The following PER3 variants were observed in gnomAD, a reference collection of about 807,000 sequenced individuals.
PER3 encodes period circadian protein homolog 3.
A neutral mutation model predicts 127.2 loss-of-function variants in PER3; 107 were observed. The ratio of observed to expected loss-of-function variants is 0.84; its 90% CI spans 0.72 to 0.99. The LOEUF is 0.99. Ranked by LOEUF, PER3 falls within the 50% of genes least tolerant of loss-of-function variation. The probability of loss-of-function intolerance (pLI) is 0.00; values close to 1 mark genes in which losing one functional copy is unlikely to be tolerated. For synonymous variants in PER3, 618 were observed against 585.8 expected, an observed-to-expected ratio of 1.05 and a Z score of -0.79; for missense variants, 1,560 against 1,525.8, an observed-to-expected ratio of 1.02 and a Z score of -0.37.
chr1:7,803,816 T>A lies in PER3; in HGVS notation c.1104T>A (p.Ile368=). The change falls in exon 10 of 22, where the codon ATT becomes ATA. Residue 368 remains isoleucine (I), a synonymous_variant. Transcript: ENST00000377532. Reference sequence around the variant, plus strand: ...TTGTGAATCCCTGGAGCCGGAAGATTTCTTTCATCATTGGTCGGCATAAAG... The same window carrying A: ...TTGTGAATCCCTGGAGCCGGAAGATATCTTTCATCATTGGTCGGCATAAAG... ...SSFVNPWSRK[I]SFIIGRHKVR... 1 of 1,613,994 alleles carries A rather than the reference T, an allele frequency of 6.2e-7. No homozygotes were observed. Among genetic ancestry groups the A allele is most frequent in the Non-Finnish European group, 8.5e-7 (1 of 1,179,926 alleles).
intron 6 of PER3, among the ~76,000 whole-genome samples, chr1:7,795,297 T>C (rs536866989): frequency 6.6e-6 from 1 of 152,346 alleles, no homozygotes; most frequent in Admixed American, 6.5e-5. Flanking sequence ...TTCAAACAGT[T>C]CTTGCCTCAC....
At position 7,811,152 on chromosome 1, in the gene PER3, A is replaced by G. The variant is rs147688232; in HGVS notation, c.1522+564A>G. Among the ~76,000 whole-genome samples, 45 of 152,366 alleles carry G rather than the reference A, an allele frequency of 3.0e-4. No homozygotes were observed. The Middle Eastern group carries it at 0.01, about 35-fold the overall frequency. Reference sequence around the variant, plus strand: ...TATGGCATAGGGGATGTTCAATAATATAGAAATCAAATTAGATTGACATTT... The same window carrying G: ...TATGGCATAGGGGATGTTCAATAATGTAGAAATCAAATTAGATTGACATTT... On this transcript the variant is annotated intron_variant, in intron 13 of 21. Transcript: ENST00000377532.
At chr1:7,809,856 C>A (rs745525679) in intron 11 of PER3, 37 bp from the exon 12 acceptor site, 1 of 1,600,818 alleles carries the variant, frequency 6.2e-7, no homozygotes, top group Non-Finnish European at 8.5e-7. Context: ...ATTTGAACAG[C>A]CAGCAATTCT....
At chr1:7,827,866 AAAGTT>A (rs772130183) in intron 18 of PER3, 51 bp downstream of exon 18, 16 of 1,436,556 alleles carry the variant, frequency 1.1e-5, no homozygotes, top group Middle Eastern at 3.5e-4. Context: ...ATATCTTACT[AAAGTT>A]AAGGTGGTTG....
In PER3 at chr1:7,844,798, C is replaced by T. The variant is rs1344983857; in HGVS notation, c.*2043C>T. The T allele has an allele frequency of 6.6e-6, 1 of 152,664 alleles. No individual in the cohort carries two copies. The highest frequency in any genetic ancestry group is 2.4e-5 in the African/African-American group (1 of 41,470). 9.5% of individuals were successfully genotyped at this position (152,664 alleles called of 1,614,324 possible). On this transcript the variant is annotated 3_prime_UTR_variant, in exon 22 of 22. Coordinates refer to ENST00000377532, the MANE Select transcript of PER3 (RefSeq NM_001377275.1). ...TGAGCAGGGGGTTCAGCAGCTTGAC[C>T]GATGCCCCCCGAGGGGGCTCTCCCC...
chr1:7,839,230 C>G (rs1317898632), intron 21 of PER3, among the ~76,000 whole-genome samples: 1 of 152,144 alleles, frequency 6.6e-6, no homozygotes, highest in Non-Finnish European at 1.5e-5. Context: ...CTGTAGAGCT[C>G]CATCTCCATC....
intron 16 of PER3, among the ~76,000 whole-genome samples, chr1:7,824,520 T>C (rs697690): frequency 0.38 from 57,892 of 151,878 alleles, 11,854 homozygotes; most frequent in African/African-American, 0.52. Flanking sequence ...GGTGCCTTTT[T>C]TCCTTATTAT....
intron 16 of PER3, among the ~76,000 whole-genome samples, chr1:7,824,054 A>G (rs1281087780): frequency 1.3e-5 from 2 of 152,238 alleles, no homozygotes; most frequent in African/African-American, 2.4e-5. Context: ...AGAAATCACA[A>G]AGAGAATTAG....
chr1:7,801,289 T>C (rs1178748516), intron 8 of PER3, 98 bp downstream of exon 8: 9 of 677,014 alleles, frequency 1.3e-5, no homozygotes, highest in African/African-American at 1.8e-5. Flanking sequence ...CATTATGTAA[T>C]TGAAATCTGT....
intron 8 of PER3, among the ~76,000 whole-genome samples, chr1:7,801,744 A>G (rs1335958054): frequency 6.6e-6 from 1 of 152,212 alleles, no homozygotes; most frequent in Non-Finnish European, 1.5e-5. Context: ...GATAGTAGGT[A>G]GTAGTTATTG....
chr1:7,818,463 G>A (rs2097261318), intron 13 of PER3, among the ~76,000 whole-genome samples: 5 of 152,192 alleles, frequency 3.3e-5, no homozygotes, highest in Admixed American at 3.3e-4. Context: ...AGTAGTACAT[G>A]ACATAATTAG....
chr1:7,823,171 A>AT (rs2097285423), intron 16 of PER3, among the ~76,000 whole-genome samples: 5 of 152,352 alleles, frequency 3.3e-5, no homozygotes, highest in Admixed American at 3.3e-4. Flanking sequence ...TCACAAATGG[A>AT]TTGAAAGTAA....
chr1:7,785,089 T>C, intron 2 of PER3, 84 bp downstream of exon 2: 1 of 1,437,948 alleles, frequency 7.0e-7, no homozygotes. Flanking sequence ...AATCTTTTTA[T>C]TCTTTTGTTT....
At chr1:7,816,611 G>A (rs1577833341) in intron 13 of PER3, among the ~76,000 whole-genome samples, 2 of 152,146 alleles carry the variant, frequency 1.3e-5, no homozygotes, top group African/African-American at 4.8e-5. Context: ...CAAAAAAAAT[G>A]TAAACCATAT....
At position 7,793,976 on chromosome 1, in the gene PER3, T is replaced by C; in HGVS notation, c.612T>C (p.Cys204=). The C allele has an allele frequency of 6.2e-7, 1 of 1,614,138 alleles. No homozygotes were observed. Among genetic ancestry groups the C allele is most frequent in the Non-Finnish European group, 8.5e-7 (1 of 1,179,936 alleles). Residue 204 remains cysteine, a synonymous_variant, in exon 6 of 22, where the codon TGT becomes TGC. Transcript: ENST00000377532. ...TTCTAGCAGCTGCACGGTATGAATGTGCTCCGGTGAAACCTTTTTTCTGCA... is the reference window on the plus strand; with the variant it reads ...TTCTAGCAGCTGCACGGTATGAATGCGCTCCGGTGAAACCTTTTTTCTGCA... The part of the protein sequence containing the change: ...WTQRAAARYE[C]APVKPFFCRI...
intron 13 of PER3, among the ~76,000 whole-genome samples, chr1:7,818,656 T>C (rs1287796753): frequency 6.6e-6 from 1 of 152,238 alleles, no homozygotes; most frequent in Non-Finnish European, 1.5e-5. Flanking sequence ...ACATCTACAA[T>C]GGTGGCCACT....
rs919485576 is a variant in PER3, at chr1:7,797,282, A to G, written c.645-1243A>G. Among the ~76,000 whole-genome samples the G allele has an allele frequency of 3.9e-5, 6 of 152,234 alleles. No homozygotes were observed. In the South Asian group the frequency reaches 8.3e-4, roughly 21 times the overall value. Reference sequence around the variant, plus strand: ...TCTTTTCTTGGTGAAATGGGAAGCAAGGTCATCAGTTGAGGGTGCAGAGTG... The same window carrying G: ...TCTTTTCTTGGTGAAATGGGAAGCAGGGTCATCAGTTGAGGGTGCAGAGTG... On this transcript the variant is annotated intron_variant, in intron 6 of 21. Transcript: ENST00000377532.
chr1:7,832,318 G>GT (rs1258491106), intron 19 of PER3, among the ~76,000 whole-genome samples: 3 of 143,402 alleles, frequency 2.1e-5, no homozygotes, highest in African/African-American at 5.2e-5. Flanking sequence ...TCTCATTGGG[G>GT]TTTTTTTTCC....
chr1:7,810,447 C>T lies in PER3; in HGVS notation c.1381C>T (p.Gln461Ter), dbSNP rs1577784538. 3 of 1,597,706 alleles carry T rather than the reference C, an allele frequency of 1.9e-6. No homozygotes were observed. Among genetic ancestry groups the T allele is most frequent in the Non-Finnish European group, 2.6e-6 (3 of 1,172,594 alleles). ...CATTCCTTTCCCTAAGATGACCTTGCAGCAGGTCTATGCCAGTGTGAACAA... is the reference window on the plus strand; with the variant it reads ...CATTCCTTTCCCTAAGATGACCTTGTAGCAGGTCTATGCCAGTGTGAACAA... ...EETKAEQMTL[Q>*]QVYASVNKIK... Residue 461 changes from glutamine (Q) to a stop codon, truncating the protein, a stop_gained, in exon 13 of 22, where the codon CAG becomes TAG. Coordinates refer to ENST00000377532, the MANE Select transcript of PER3 (RefSeq NM_001377275.1). LOFTEE classifies it high-confidence loss of function.
Sources: allele counts gnomAD v4.1 joint callset (sites outside exome capture counted in the v4.1 genomes callset), GRCh38; gene constraint gnomAD v4.1.1; transcripts MANE v1.5; gene names NCBI Gene and HGNC (gene_info 2026-07-23, HGNC 2026-07-21).